The following SNX7 variants were observed in gnomAD, a reference collection of about 807,000 sequenced individuals.
The protein encoded by SNX7 is sorting nexin 7, also known as sorting nexin-7.
A neutral mutation model predicts 48.4 loss-of-function variants in SNX7; 35 were observed. That is an observed-to-expected ratio of 0.72 (90% confidence interval 0.55 to 0.96). The LOEUF (loss-of-function observed/expected upper bound fraction) is 0.96. SNX7 is among the 40% of genes least tolerant of loss of function. SNX7 has a pLI of 0.00. For synonymous variants in SNX7, 190 were observed against 190.2 expected (o/e 1.00, Z 0.01); for missense variants, 553 against 548.9 (o/e 1.01, Z -0.07).
At chr1:98,685,942 G>T (rs955220611) in intron 2 of SNX7, among the ~76,000 whole-genome samples, 2 of 152,038 alleles carry the variant, frequency 1.3e-5, no homozygotes, top group African/African-American at 2.4e-5. Flanking sequence ...ATATAAAGAG[G>T]CTTCTCAGTC....
chr1:98,735,540 A>G (rs2101030573), intron 7 of SNX7, among the ~76,000 whole-genome samples: 1 of 152,264 alleles, frequency 6.6e-6, no homozygotes, highest in Admixed American at 6.5e-5. Flanking sequence ...AATTGACTTA[A>G]TACCTAGACA....
intron 1 of SNX7, among the ~76,000 whole-genome samples, chr1:98,663,082 A>G (rs1029319791): frequency 2.0e-5 from 3 of 152,134 alleles, no homozygotes; most frequent in African/African-American, 2.4e-5. Context: ...TATTCCACAC[A>G]TACTTCATGT....
intron 7 of SNX7, among the ~76,000 whole-genome samples, chr1:98,704,610 A>G (rs897906240): frequency 2.0e-5 from 3 of 152,148 alleles, no homozygotes; most frequent in Non-Finnish European, 4.4e-5. Context: ...TCACCATGGC[A>G]ACGTGCCCTT....
At chr1:98,713,452 T>A (rs1421172009) in intron 7 of SNX7, among the ~76,000 whole-genome samples, 1 of 152,066 alleles carries the variant, frequency 6.6e-6, no homozygotes, top group Non-Finnish European at 1.5e-5. Flanking sequence ...TAAGGCTTTT[T>A]TTTTGCTTTC....
chr1:98,667,099 A>G (rs770579245), intron 1 of SNX7, among the ~76,000 whole-genome samples: 13 of 152,244 alleles, frequency 8.5e-5, no homozygotes, highest in Non-Finnish European at 1.8e-4. Flanking sequence ...GAATTCCTGC[A>G]TAAACCAGTG....
chr1:98,716,564 G>A (rs1034006956), intron 7 of SNX7, among the ~76,000 whole-genome samples: 2 of 152,148 alleles, frequency 1.3e-5, no homozygotes, highest in African/African-American at 4.8e-5. Flanking sequence ...CCACTACCAT[G>A]AGTAGGGGGT....
chr1:98,721,291 A>G lies in SNX7; in HGVS notation c.1126-16946A>G, dbSNP rs117655452. On this transcript the variant is annotated intron_variant, in intron 7 of 8. Coordinates refer to ENST00000306121, the MANE Select transcript of SNX7 (RefSeq NM_015976.5). Reference sequence around the variant, plus strand: ...ACACTTCTGATCCTAAGCATTTTGGATAAGGGATACTTAACCTGTACTATA... The same window carrying G: ...ACACTTCTGATCCTAAGCATTTTGGGTAAGGGATACTTAACCTGTACTATA... 2.3e-3 allele frequency among the ~76,000 whole-genome samples: 350 copies of G among 152,234 alleles called. 9 individuals are homozygous for G. In the East Asian group the frequency reaches 0.06, roughly 26 times the overall value.
At chr1:98,675,545 C>T (rs763461202) in intron 1 of SNX7, among the ~76,000 whole-genome samples, 3 of 151,952 alleles carry the variant, frequency 2.0e-5, no homozygotes, top group Non-Finnish European at 4.4e-5. Flanking sequence ...GCATTTCAAG[C>T]GGAAGAAATA....
intron 1 of SNX7, among the ~76,000 whole-genome samples, chr1:98,669,720 T>C (rs1422421529): frequency 6.6e-6 from 1 of 152,238 alleles, no homozygotes; most frequent in East Asian, 1.9e-4. Flanking sequence ...TACTTTTGTG[T>C]AGTTATTGTT....
At chr1:98,712,945 G>A (rs1397868752) in intron 7 of SNX7, among the ~76,000 whole-genome samples, 1 of 152,046 alleles carries the variant, frequency 6.6e-6, no homozygotes, top group East Asian at 1.9e-4. Flanking sequence ...TAGAAAATTA[G>A]CCAGACATAG....
At position 98,729,496 on chromosome 1, in the gene SNX7, A is replaced by T. The variant is rs1653374678; in HGVS notation, c.1126-8741A>T. Among the ~76,000 whole-genome samples the T allele has an allele frequency of 2.0e-5, 3 of 149,100 alleles. No individual in the cohort carries two copies. The South Asian group carries it at 6.3e-4, about 31-fold the overall frequency. On this transcript the variant is annotated intron_variant, in intron 7 of 8. Transcript: ENST00000306121. ...AAAAAATCAGTGAATCCAGGAGCTG[A>T]TTTTTTTTTTGAAAAATTAATATTA...
intron 7 of SNX7, among the ~76,000 whole-genome samples, chr1:98,734,534 T>C (rs959727230): frequency 5.9e-5 from 9 of 152,138 alleles, no homozygotes; most frequent in African/African-American, 2.2e-4. Context: ...CAGCTTGTAA[T>C]AGGAAGATGA....
chr1:98,666,043 A>C (rs1649521705), intron 1 of SNX7, among the ~76,000 whole-genome samples: 1 of 152,170 alleles, frequency 6.6e-6, no homozygotes, highest in African/African-American at 2.4e-5. Context: ...ATTCTATCAA[A>C]TAATTAGAAA....
chr1:98,730,692 CAAA>C (rs1653464034), intron 7 of SNX7, among the ~76,000 whole-genome samples: 1 of 151,956 alleles, frequency 6.6e-6, no homozygotes, highest in South Asian at 2.1e-4. Flanking sequence ...ATACAGCTAA[CAAA>C]AGAAGTGAAG....
chr1:98,723,706 A>T (rs1359777824), intron 7 of SNX7, among the ~76,000 whole-genome samples: 2 of 151,952 alleles, frequency 1.3e-5, no homozygotes, highest in African/African-American at 4.8e-5. Flanking sequence ...ATACAAAAAA[A>T]AGCAGCTGGG....
chr1:98,747,377 G>T (rs916121623), intron 8 of SNX7, among the ~76,000 whole-genome samples: 1 of 152,082 alleles, frequency 6.6e-6, no homozygotes, highest in African/African-American at 2.4e-5. Context: ...TGGAATCTTC[G>T]ATAGCAATTA....
chr1:98,702,551 G>T (rs1174777937), intron 7 of SNX7, among the ~76,000 whole-genome samples: 2 of 151,874 alleles, frequency 1.3e-5, no homozygotes, highest in Non-Finnish European at 2.9e-5. Flanking sequence ...TTTACCCATG[G>T]TATTTTTATA....
intron 8 of SNX7, among the ~76,000 whole-genome samples, chr1:98,738,926 AT>A (rs1289492751): frequency 6.6e-6 from 1 of 151,840 alleles, no homozygotes. Context: ...TAGAAAGTAT[AT>A]TTTAAAATAA....
rs150650784 is a variant in SNX7, at chr1:98,725,456, G to C, written c.1126-12781G>C. On this transcript the variant is annotated intron_variant, in intron 7 of 8. Transcript: ENST00000306121. The stretch of plus-strand genomic sequence containing the variant: ...AGAAAGGAAGAAAAACATTTCACAA[G>C]GGGGCACTGTGCCTGGTATGGTACT... 3.7e-3 allele frequency among the ~76,000 whole-genome samples: 560 copies of C among 152,270 alleles called. 4 individuals carry two copies. Among genetic ancestry groups the C allele is most frequent in the African/African-American group, 0.013 (522 of 41,566 alleles).
Sources: allele counts gnomAD v4.1 joint callset (sites outside exome capture counted in the v4.1 genomes callset), GRCh38; gene constraint gnomAD v4.1.1; transcripts MANE v1.5; gene names NCBI Gene and HGNC (gene_info 2026-07-23, HGNC 2026-07-21).